Variants in FBLN1 observed in about 807,000 individuals in gnomAD.
The protein encoded by FBLN1 is fibulin-1.
Under a neutral mutation model 89.7 loss-of-function variants are expected in FBLN1, and 34 were observed. The observed-to-expected ratio is 0.38, with a 90% CI of 0.29 to 0.50. The LOEUF (loss-of-function observed/expected upper bound fraction) is 0.50. Ranked by LOEUF, FBLN1 falls within the 20% of genes least tolerant of loss-of-function variation. The probability of loss-of-function intolerance (pLI) is 0.92; values close to 1 mark genes in which losing one functional copy is unlikely to be tolerated. For missense variants in FBLN1, 777 were observed against 988.1 expected (o/e 0.79, Z 2.86); for synonymous variants, 393 against 391.3 (o/e 1.00, Z -0.05).
rs1426405108 is a variant in FBLN1, at chr22:45,577,142, ACCCCT to A, written c.1972+39_1972+43del. ...CTGGGAATATCAGCTCTATCCAGGC[ACCCCT>A]CCCCCTCCACCCCGAAACCCTCTCT... On this transcript the variant is annotated intron_variant, in intron 16 of 16. Coordinates refer to ENST00000327858, the MANE Select transcript of FBLN1 (RefSeq NM_006486.3). This position sits in a 1 kb window ranked among gnomAD's most constrained non-coding sequence, Gnocchi z 6.6. 6.2e-7 allele frequency: 1 copy of A among 1,610,538 alleles called. No homozygotes were observed. The highest frequency in any genetic ancestry group is 2.2e-5 in the East Asian group (1 of 44,786).
chr22:45,565,126 G>C (rs1437900437), intron 14 of FBLN1: 2 of 1,586,846 alleles, frequency 1.3e-6, no homozygotes, highest in Admixed American at 3.4e-5. Context: ...GATCATGCCA[G>C]GTTTGCACCA....
intron 14 of FBLN1, among the ~76,000 whole-genome samples, chr22:45,573,720 G>A (rs900297449): frequency 3.4e-5 from 5 of 146,334 alleles, no homozygotes; most frequent in East Asian, 4.0e-4. Flanking sequence ...GAGCACTGCC[G>A]TGGGACTCAG....
intron 16 of FBLN1, among the ~76,000 whole-genome samples, chr22:45,584,680 C>T (rs1022771182): frequency 4.0e-5 from 6 of 151,874 alleles, no homozygotes; most frequent in Non-Finnish European, 7.4e-5. Context: ...ATAAATGAGC[C>T]GCTGGGAGGA....
intron 16 of FBLN1, among the ~76,000 whole-genome samples, chr22:45,589,742 C>A (rs557478275): frequency 8.5e-5 from 13 of 152,192 alleles, no homozygotes; most frequent in African/African-American, 2.6e-4. Context: ...TCAGCCTCTC[C>A]CCTAGCCCTC....
Position 45,600,882 on chromosome 22 carries a change from C to T in FBLN1, c.*436C>T, listed in dbSNP as rs879889850. On this transcript the variant is annotated 3_prime_UTR_variant, in exon 17 of 17. Transcript: ENST00000327858. ...GATTTTCTATGTTCTAAGGACATGG[C>T]TGCTGTAGAATAGCACAGACGTGGA... is the stretch of plus-strand genomic sequence containing the variant. 42 of 284,938 alleles carry T rather than the reference C, an allele frequency of 1.5e-4. No homozygotes were observed. The highest frequency in any genetic ancestry group is 2.6e-4 in the Non-Finnish European group (39 of 147,938). 17.7% of individuals were successfully genotyped at this position (284,938 alleles called of 1,614,324 possible).
Position 45,572,983 on chromosome 22 carries a change from T to G in FBLN1, c.1698-1528T>G, listed in dbSNP as rs1263989697. Among the ~76,000 whole-genome samples, 1 of 152,164 alleles carries G rather than the reference T, an allele frequency of 6.6e-6. No homozygotes were observed. The highest frequency in any genetic ancestry group is 1.9e-4 in the East Asian group (1 of 5,186). ...GGCTCACGCCTGTAATCCCAACACT[T>G]TGGGAGGCCAAGGTGGGTGGGTCAC... On this transcript the variant is annotated intron_variant, in intron 14 of 16. Transcript: ENST00000327858. This position sits in a 1 kb window ranked among gnomAD's most constrained non-coding sequence, Gnocchi z 5.8.
At chr22:45,521,713 C>A (rs1055751463) in intron 2 of FBLN1, among the ~76,000 whole-genome samples, 1 of 152,176 alleles carries the variant, frequency 6.6e-6, no homozygotes, top group East Asian at 1.9e-4. Flanking sequence ...GAGCAGGACC[C>A]CGCCCCAGCC....
chr22:45,558,954 A>G (rs2088821180), intron 14 of FBLN1, among the ~76,000 whole-genome samples: 1 of 152,222 alleles, frequency 6.6e-6, no homozygotes, highest in South Asian at 2.1e-4. Context: ...AATGTCACCA[A>G]TTTAATGGAC....
rs1429966838 is a variant in FBLN1, at chr22:45,525,574, C to T, written c.217C>T (p.Leu73=). 6.5e-7 allele frequency: 1 copy of T among 1,549,938 alleles called. No individual in the cohort carries two copies. Among genetic ancestry groups the T allele is most frequent in the Non-Finnish European group, 8.7e-7 (1 of 1,146,844 alleles). The change falls in exon 3 of 17, where the codon CTG becomes TTG. Residue 73 remains leucine (L), a synonymous_variant. Transcript: ENST00000327858. Reference sequence around the variant, plus strand: ...GCAGGAGCAGTGCTGCCACAGCCAGCTGGAGGAGCTGCACTGTGCCACGGG... The same window carrying T: ...GCAGGAGCAGTGCTGCCACAGCCAGTTGGAGGAGCTGCACTGTGCCACGGG... ...MVQEQCCHSQ[L]EELHCATGIS... is the part of the protein sequence containing the mutation.
chr22:45,569,639 A>AAAAAAG (rs1555960115), intron 14 of FBLN1, among the ~76,000 whole-genome samples: 2 of 105,196 alleles, frequency 1.9e-5, no homozygotes, highest in African/African-American at 7.6e-5. Flanking sequence ...ACTCTGTCTC[A>AAAAAAG]AAAAAGAAGA....
At position 45,533,732 on chromosome 22, in the gene FBLN1, C is replaced by A; in HGVS notation, c.647-29C>A. ...ATTAGGATGGGTCGTTCTTGCTGGTCACCCCCGCACTGCCTCGGTCTCTCC... is the reference window on the plus strand; with the variant it reads ...ATTAGGATGGGTCGTTCTTGCTGGTAACCCCCGCACTGCCTCGGTCTCTCC... On this transcript the variant is annotated intron_variant, in intron 6 of 16. Transcript: ENST00000327858. The A allele has an allele frequency of 1.9e-6, 3 of 1,606,480 alleles. No individual in the cohort carries two copies. In the South Asian group the frequency reaches 3.3e-5, roughly 18 times the overall value.
At position 45,541,220 on chromosome 22, in the gene FBLN1, C is replaced by G; in HGVS notation, c.923-9C>G. On this transcript the variant is annotated splice_polypyrimidine_tract_variant and intron_variant, in intron 8 of 16. Coordinates refer to ENST00000327858, the MANE Select transcript of FBLN1 (RefSeq NM_006486.3). ...TTAACCACATGGTCTCTGTCTTTTC[C>G]CGCTGTAGATATCAATGAGTGTTTG... The G allele has an allele frequency of 3.1e-6, 5 of 1,614,198 alleles. No individual in the cohort carries two copies. The highest frequency in any genetic ancestry group is 4.2e-6 in the Non-Finnish European group (5 of 1,180,036).
At position 45,505,085 on chromosome 22, in the gene FBLN1, G is replaced by A. The variant is rs187783832; in HGVS notation, c.79+2021G>A. Among the ~76,000 whole-genome samples the A allele has an allele frequency of 4.5e-3, 686 of 152,314 alleles. 2 individuals carry two copies. Among genetic ancestry groups the A allele is most frequent in the African/African-American group, 0.016 (657 of 41,570 alleles). On this transcript the variant is annotated intron_variant, in intron 1 of 16. Coordinates refer to ENST00000327858, the MANE Select transcript of FBLN1 (RefSeq NM_006486.3). ...TGCAGAAACTCCTTTGGCGACGGCC[G>A]CTTAAATGGAGAAGGGCGCTGATCT...
intron 14 of FBLN1, among the ~76,000 whole-genome samples, chr22:45,554,541 T>C (rs2088753427): frequency 6.6e-6 from 1 of 152,202 alleles, no homozygotes; most frequent in Admixed American, 6.5e-5. Flanking sequence ...AGGCCTCCTG[T>C]CAGTCCTGAC....
chr22:45,540,253 T>C (rs1363743791), intron 8 of FBLN1, among the ~76,000 whole-genome samples: 1 of 152,190 alleles, frequency 6.6e-6, no homozygotes, highest in Non-Finnish European at 1.5e-5. Flanking sequence ...GACCTTGGTT[T>C]CCTGTTTATA....
At chr22:45,519,094 G>A (rs545380448) in intron 2 of FBLN1, among the ~76,000 whole-genome samples, 2 of 133,980 alleles carry the variant, frequency 1.5e-5, no homozygotes, top group Admixed American at 7.2e-5. Flanking sequence ...TTTAAAAAAG[G>A]GGGGACAGTT....
At chr22:45,515,586 C>T (rs1356697362) in intron 1 of FBLN1, among the ~76,000 whole-genome samples, 1 of 152,044 alleles carries the variant, frequency 6.6e-6, no homozygotes, top group Non-Finnish European at 1.5e-5. Context: ...TCTCAGAGTC[C>T]GAAGGAGGCT....
intron 2 of FBLN1, chr22:45,523,252 G>A (rs1435521911): frequency 1.4e-6 from 1 of 731,300 alleles, no homozygotes; most frequent in Non-Finnish European, 2.6e-6. Flanking sequence ...GCCAGCAACG[G>A]CCAGTCCCAG....
Position 45,550,769 on chromosome 22 carries a change from C to T in FBLN1, c.1697+154C>T. 1 of 1,091,886 alleles carries T rather than the reference C, an allele frequency of 9.2e-7. No homozygotes were observed. The allele number at this position is 1,091,886 out of a possible 1,614,324, so 67.6% of individuals were successfully genotyped here. The stretch of plus-strand genomic sequence containing the variant: ...ATCACCTGATCCCTGGCCCTCAAGC[C>T]CCTAAATGCTAGTGACACTGGTCTC... On this transcript the variant is annotated intron_variant, in intron 14 of 16. Coordinates refer to ENST00000327858, the MANE Select transcript of FBLN1 (RefSeq NM_006486.3). This position sits in a 1 kb window ranked among gnomAD's most constrained non-coding sequence, Gnocchi z 8.4.
Sources: gnomAD v4.1 joint callset for allele counts (sites outside exome capture counted in the v4.1 genomes callset) on GRCh38, gnomAD v4.1.1 for gene constraint, Gnocchi (gnomAD v3.1) non-coding constraint, MANE v1.5 for transcripts, NCBI Gene and HGNC (gene_info 2026-07-23, HGNC 2026-07-21) for gene names.